Variants in KICS2 observed in about 807,000 individuals in gnomAD.
The protein encoded by KICS2 is KICSTOR complex protein C12orf66.
In KICS2, 13 loss-of-function variants were observed where a neutral mutation model predicts 31.4. That is an observed-to-expected ratio of 0.41 (90% CI 0.27 to 0.66). KICS2 has a LOEUF of 0.66. Among genes scored for constraint, KICS2 ranks in the 30% least tolerant of loss-of-function variants. The probability of loss-of-function intolerance (pLI) is 0.28; values close to 1 mark genes in which losing one functional copy is unlikely to be tolerated. For synonymous variants in KICS2, 209 were observed against 214.8 expected (o/e 0.97, Z 0.24); for missense variants, 455 against 545.4 (o/e 0.83, Z 1.65).
intron 2 of KICS2, among the ~76,000 whole-genome samples, chr12:64,207,478 TTTGCAG>T (rs2037549706): frequency 2.6e-5 from 4 of 152,104 alleles, no homozygotes; most frequent in Admixed American, 2.6e-4. Context: ...GTTTTGTAAC[TTTGCAG>T]CTCCTTTCCT....
chr12:64,218,068 T>C (rs2037646796), intron 1 of KICS2, among the ~76,000 whole-genome samples: 3 of 152,208 alleles, frequency 2.0e-5, no homozygotes, highest in African/African-American at 7.2e-5. Context: ...TGGCACATCA[T>C]TTCTCCAACT....
chr12:64,203,341 T>C (rs1190746968), intron 2 of KICS2, among the ~76,000 whole-genome samples: 2 of 152,190 alleles, frequency 1.3e-5, no homozygotes, highest in African/African-American at 4.8e-5. Context: ...TCTTGCTCAG[T>C]TTCTCTTCTG....
At chr12:64,186,875 A>C (rs1003253999), downstream of KICS2, 5 of 152,234 alleles carry the variant, frequency 3.3e-5, no homozygotes, top group African/African-American at 1.2e-4. Context: ...TGAATATTAG[A>C]AATCATTCAC....
At chr12:64,188,340 A>G (rs947814723), downstream of KICS2, among the ~76,000 whole-genome samples, 1 of 152,196 alleles carries the variant, frequency 6.6e-6, no homozygotes, top group Non-Finnish European at 1.5e-5. Flanking sequence ...CCTGGCCAAC[A>G]TGGTGAAACC....
chr12:64,221,192 T>C (rs2037679490), intron 1 of KICS2, among the ~76,000 whole-genome samples: 1 of 152,154 alleles, frequency 6.6e-6, no homozygotes, highest in African/African-American at 2.4e-5. Context: ...TTCATTCACA[T>C]CAGACCTCAC....
At position 64,191,742 on chromosome 12, in the gene KICS2, CA is replaced by C. The variant is rs1424369946; in HGVS notation, c.*2099del. 2 of 152,044 alleles carry C rather than the reference CA, an allele frequency of 1.3e-5. No homozygotes were observed. The highest frequency in any genetic ancestry group is 4.8e-5 in the African/African-American group (2 of 41,402). The allele number at this position is 152,044 out of a possible 1,614,324, so 9.4% of individuals were successfully genotyped here. On this transcript the variant is annotated 3_prime_UTR_variant, in exon 3 of 3. Transcript: ENST00000398055. ...GTAAATCACTACTTTCTATTTAAAG[CA>C]AACTAGCTTTTTACAAAGCTTATGA... is the stretch of plus-strand genomic sequence containing the variant.
intron 1 of KICS2, among the ~76,000 whole-genome samples, chr12:64,217,043 C>A (rs1251086455): frequency 6.6e-6 from 1 of 152,270 alleles, no homozygotes; most frequent in East Asian, 1.9e-4. Flanking sequence ...TGTATCAAGG[C>A]ATTTGTAAAA....
In KICS2 at chr12:64,215,751, T is replaced by C; in HGVS notation, c.448A>G (p.Ser150Gly). 6.2e-7 allele frequency: 1 copy of C among 1,614,116 alleles called. No individual in the cohort carries two copies. Among genetic ancestry groups the C allele is most frequent in the Non-Finnish European group, 8.5e-7 (1 of 1,180,038 alleles). The part of the protein sequence containing the change: ...ADFYEKMYTL[S>G]TQKFINAEEL... ...TCAGCATTGATGAACTTCTGTGTGC[T>C]GAGGGTGTACATCTTCTCATAGAAG... Residue 150 changes from serine (S) to glycine (G), a missense_variant, in exon 2 of 3, where the codon AGC (serine) becomes GGC (glycine). Physicochemically the swap from Ser to Gly is moderately conservative, Grantham distance 56. Coordinates refer to ENST00000398055, the MANE Select transcript of KICS2 (RefSeq NM_152440.5).
In KICS2 at chr12:64,216,915, G is replaced by A. The variant is rs533190064; in HGVS notation, c.236-952C>T. On this transcript the variant is annotated intron_variant, in intron 1 of 2. Coordinates refer to ENST00000398055, the MANE Select transcript of KICS2 (RefSeq NM_152440.5). ...TGAAAAGAAAAAAAGAAACAGGGCAGGTTTAAAACAGTGATTTCTAGGAAT... is the reference window on the plus strand; with the variant it reads ...TGAAAAGAAAAAAAGAAACAGGGCAAGTTTAAAACAGTGATTTCTAGGAAT... 3.4e-5 allele frequency among the ~76,000 whole-genome samples: 5 copies of A among 147,422 alleles called. No individual in the cohort carries two copies. The Admixed American group carries it at 3.5e-4, about 10-fold the overall frequency.
intron 1 of KICS2, among the ~76,000 whole-genome samples, chr12:64,217,240 A>G (rs1264054739): frequency 6.6e-6 from 1 of 152,206 alleles, no homozygotes; most frequent in Non-Finnish European, 1.5e-5. Flanking sequence ...TTTTAAAACA[A>G]AGTCCCACAT....
chr12:64,211,402 G>A (rs1044208118), intron 2 of KICS2, among the ~76,000 whole-genome samples: 5 of 152,110 alleles, frequency 3.3e-5, no homozygotes, highest in African/African-American at 1.2e-4. Flanking sequence ...GATCATTTGA[G>A]GTCAGGAGTT....
intron 2 of KICS2, among the ~76,000 whole-genome samples, chr12:64,195,427 ATCT>A (rs1466629926): frequency 6.6e-6 from 1 of 152,244 alleles, no homozygotes; most frequent in African/African-American, 2.4e-5. Context: ...TATTAAGCCT[ATCT>A]TGCAGATGAC....
intron 2 of KICS2, among the ~76,000 whole-genome samples, chr12:64,206,393 T>C (rs2037539357): frequency 6.6e-6 from 1 of 152,234 alleles, no homozygotes; most frequent in African/African-American, 2.4e-5. Flanking sequence ...TGTTTACTAA[T>C]GCTTAAACAC....
intron 2 of KICS2, among the ~76,000 whole-genome samples, chr12:64,211,524 C>T (rs2037582095): frequency 6.6e-6 from 1 of 152,048 alleles, no homozygotes; most frequent in African/African-American, 2.4e-5. Flanking sequence ...GAGGCTGAGG[C>T]AGGAGAATCA....
downstream of KICS2, among the ~76,000 whole-genome samples, chr12:64,188,519 T>C (rs887532062): frequency 7.0e-6 from 1 of 142,176 alleles, no homozygotes; most frequent in East Asian, 2.1e-4. Flanking sequence ...AAGAAAAAGG[T>C]AAGAGGATGG....
chr12:64,206,120 A>G (rs1086319), intron 2 of KICS2, among the ~76,000 whole-genome samples: 73,521 of 151,862 alleles, frequency 0.48, 17,963 homozygotes, highest in Non-Finnish European at 0.52. Flanking sequence ...GGGTCTTGCT[A>G]TGTTTCCCAG....
chr12:64,190,642 C>T (rs1022970314), downstream of KICS2, among the ~76,000 whole-genome samples: 4 of 151,642 alleles, frequency 2.6e-5, no homozygotes, highest in African/African-American at 7.3e-5. Flanking sequence ...CCTAGCTACT[C>T]GGGAGGCTGA....
chr12:64,205,446 T>TA (rs2037527339), intron 2 of KICS2, among the ~76,000 whole-genome samples: 1 of 152,202 alleles, frequency 6.6e-6, no homozygotes. Flanking sequence ...ATGTGCCTCA[T>TA]AGCTATTCAC....
chr12:64,205,548 T>G (rs1312973623), intron 2 of KICS2, among the ~76,000 whole-genome samples: 2 of 141,416 alleles, frequency 1.4e-5, no homozygotes, highest in African/African-American at 5.3e-5. Context: ...CTGAATAGTC[T>G]TAATACAGAA....
Sources: allele counts gnomAD v4.1 joint callset (sites outside exome capture counted in the v4.1 genomes callset), GRCh38; gene constraint gnomAD v4.1.1; transcripts MANE v1.5; gene names NCBI Gene and HGNC (gene_info 2026-07-23, HGNC 2026-07-21).